Variants in PPP3CA observed in about 807,000 individuals in gnomAD.
The protein encoded by PPP3CA is CAM-PRP catalytic subunit.
In PPP3CA, 14 loss-of-function variants were observed where a neutral mutation model predicts 66.5. That is an observed-to-expected ratio of 0.21 (90% CI 0.14 to 0.33). PPP3CA has a LOEUF of 0.33. Ranked by LOEUF, PPP3CA falls within the 10% of genes least tolerant of loss-of-function variation. The pLI is 1.00. For synonymous variants in PPP3CA, 232 were observed against 226.2 expected (o/e 1.03, Z -0.23); for missense variants, 317 against 639.5 (o/e 0.50, Z 5.44).
intron 8 of PPP3CA, among the ~76,000 whole-genome samples, chr4:101,079,198 CTGGACACCA>C (rs1289770555): frequency 6.6e-6 from 1 of 152,148 alleles, no homozygotes; most frequent in Non-Finnish European, 1.5e-5. Flanking sequence ...ATTAGGCATC[CTGGACACCA>C]GGCCTGGGCC....
intron 10 of PPP3CA, among the ~76,000 whole-genome samples, chr4:101,058,634 G>A (rs1201552756): frequency 3.9e-5 from 6 of 152,138 alleles, no homozygotes; most frequent in Non-Finnish European, 8.8e-5. Flanking sequence ...AGCAATTGGT[G>A]GTGAGCACAG....
chr4:101,076,545 T>G (rs558658437), intron 8 of PPP3CA, among the ~76,000 whole-genome samples: 2 of 152,278 alleles, frequency 1.3e-5, no homozygotes, highest in Admixed American at 1.3e-4. Context: ...GAAGTCTTTA[T>G]GGAAACGCAG....
At chr4:101,254,237 C>T (rs1262421085) in intron 1 of PPP3CA, among the ~76,000 whole-genome samples, 1 of 151,936 alleles carries the variant, frequency 6.6e-6, no homozygotes, top group Non-Finnish European at 1.5e-5. Context: ...GCTGGGTCCA[C>T]TAATGATCTC....
At chr4:101,233,193 CAT>C (rs1222648456) in intron 1 of PPP3CA, among the ~76,000 whole-genome samples, 1 of 151,748 alleles carries the variant, frequency 6.6e-6, no homozygotes, top group Non-Finnish European at 1.5e-5. Context: ...TGTCTAGACA[CAT>C]GATTGGAAGA....
At chr4:101,294,052 G>A (rs1366730947) in intron 1 of PPP3CA, among the ~76,000 whole-genome samples, 5 of 152,182 alleles carry the variant, frequency 3.3e-5, no homozygotes, top group Admixed American at 2.0e-4. Flanking sequence ...ACAATGATCC[G>A]CTTTTTTAGT....
At chr4:101,029,574 TA>T in intron 12 of PPP3CA, among the ~76,000 whole-genome samples, 1 of 152,102 alleles carries the variant, frequency 6.6e-6, no homozygotes, top group African/African-American at 2.4e-5. Flanking sequence ...GAATACTATA[TA>T]ACCTCTGCTA....
chr4:101,108,445 AC>A (rs1236884638), intron 3 of PPP3CA, among the ~76,000 whole-genome samples: 5 of 152,222 alleles, frequency 3.3e-5, no homozygotes, highest in Admixed American at 6.5e-5. Context: ...CTTACTATTT[AC>A]CATTTTTTGG....
chr4:101,180,430 C>G (rs529040162), intron 2 of PPP3CA, among the ~76,000 whole-genome samples: 1 of 152,230 alleles, frequency 6.6e-6, no homozygotes, highest in East Asian at 1.9e-4. Flanking sequence ...AAACCACTCT[C>G]CTTGCAGGCC....
intron 1 of PPP3CA, among the ~76,000 whole-genome samples, chr4:101,279,711 C>G (rs534144743): frequency 6.6e-6 from 1 of 152,086 alleles, no homozygotes; most frequent in African/African-American, 2.4e-5. Flanking sequence ...AGGGCAAGCT[C>G]TGTGAGGTCA....
chr4:101,137,751 G>A (rs1461712761), intron 2 of PPP3CA, among the ~76,000 whole-genome samples: 1 of 152,038 alleles, frequency 6.6e-6, no homozygotes, highest in Non-Finnish European at 1.5e-5. Context: ...CCAATGCAAT[G>A]CTTCCCTCCT....
At chr4:101,306,790 T>TA (rs1728548520) in intron 1 of PPP3CA, among the ~76,000 whole-genome samples, 1 of 152,194 alleles carries the variant, frequency 6.6e-6, no homozygotes, top group African/African-American at 2.4e-5. Flanking sequence ...CCTTATTTCA[T>TA]ATAGACTGCT....
chr4:101,053,221 T>G (rs1728084928), intron 10 of PPP3CA, among the ~76,000 whole-genome samples: 1 of 152,162 alleles, frequency 6.6e-6, no homozygotes, highest in African/African-American at 2.4e-5. Context: ...GATTTCAATT[T>G]TACGTGCCAC....
At chr4:101,237,064 A>C (rs1264240571) in intron 1 of PPP3CA, among the ~76,000 whole-genome samples, 2 of 150,184 alleles carry the variant, frequency 1.3e-5, no homozygotes, top group African/African-American at 4.9e-5. Context: ...CTTGGCAACT[A>C]GATCATTAAA....
intron 8 of PPP3CA, among the ~76,000 whole-genome samples, chr4:101,075,134 T>C (rs1729129118): frequency 6.6e-6 from 1 of 152,210 alleles, no homozygotes. Context: ...TATCTCCACC[T>C]GGCCCTGCCC....
chr4:101,106,460 G>T (rs202219480), intron 3 of PPP3CA, among the ~76,000 whole-genome samples: 8 of 23,460 alleles, frequency 3.4e-4, no homozygotes, highest in Admixed American at 4.7e-4. Context: ...AAAGAGAAAA[G>T]AAAAGAAAAG....
intron 1 of PPP3CA, among the ~76,000 whole-genome samples, chr4:101,344,256 C>T (rs1361956703): frequency 1.3e-5 from 2 of 152,088 alleles, no homozygotes; most frequent in Admixed American, 6.6e-5. Flanking sequence ...TCATTCAGTA[C>T]GTGTATACAT....
At chr4:101,227,188 C>T (rs1725811989) in intron 1 of PPP3CA, among the ~76,000 whole-genome samples, 2 of 151,614 alleles carry the variant, frequency 1.3e-5, no homozygotes, top group African/African-American at 4.8e-5. Flanking sequence ...TATGGAGAAA[C>T]AGAAAACACA....
intron 1 of PPP3CA, among the ~76,000 whole-genome samples, chr4:101,223,149 T>C (rs563745855): frequency 1.5e-3 from 231 of 151,888 alleles, no homozygotes; most frequent in African/African-American, 5.5e-3. Context: ...CCTAGACTAA[T>C]GGAAAGACTG....
intron 1 of PPP3CA, among the ~76,000 whole-genome samples, chr4:101,327,246 C>A (rs890293700): frequency 3.3e-5 from 5 of 152,134 alleles, no homozygotes; most frequent in Admixed American, 6.5e-5. Flanking sequence ...GAAGTCTAAT[C>A]AAATATTGTG....
Sources: gnomAD v4.1 joint callset for allele counts (sites outside exome capture counted in the v4.1 genomes callset) on GRCh38, gnomAD v4.1.1 for gene constraint, MANE v1.5 for transcripts, NCBI Gene and HGNC (gene_info 2026-07-23, HGNC 2026-07-21) for gene names.